Variants in PTBP2 observed in about 807,000 individuals in gnomAD.
PTBP2 encodes the protein polypyrimidine tract-binding protein 2.
In PTBP2, 13 loss-of-function variants were observed where a neutral mutation model predicts 61.4. That is an observed-to-expected ratio of 0.21 (90% CI 0.14 to 0.34). PTBP2 has a LOEUF of 0.34. Ranked by LOEUF, PTBP2 falls within the 10% of genes least tolerant of loss-of-function variation. The probability of loss-of-function intolerance (pLI) is 1.00; values close to 1 mark genes in which losing one functional copy is unlikely to be tolerated. For synonymous variants in PTBP2, 215 were observed against 218.5 expected (o/e 0.98, Z 0.14); for missense variants, 405 against 642.6 (o/e 0.63, Z 4.00).
chr1:96,761,346 A>ATTGTG (rs375632927), intron 3 of PTBP2, among the ~76,000 whole-genome samples: 24 of 140,574 alleles, frequency 1.7e-4, no homozygotes, highest in South Asian at 4.9e-4. Flanking sequence ...GTGGGATTTG[A>ATTGTG]TGTGTGTGTG....
chr1:96,812,240 T>C (rs1662154761), intron 11 of PTBP2, among the ~76,000 whole-genome samples: 1 of 152,152 alleles, frequency 6.6e-6, no homozygotes, highest in African/African-American at 2.4e-5. Flanking sequence ...AGAAAATGGA[T>C]TGGAAAAATT....
intron 8 of PTBP2, among the ~76,000 whole-genome samples, chr1:96,799,229 C>A (rs1411767575): frequency 6.6e-6 from 1 of 150,610 alleles, no homozygotes; most frequent in African/African-American, 2.5e-5. Flanking sequence ...TTCTTTAGCA[C>A]ATGATCGTTT....
chr1:96,769,762 C>T lies in PTBP2; in HGVS notation c.175C>T (p.Arg59Cys). ...GEDKMDGAPS[R>C]VLHIRKLPGE... ...AGATAAAATGGATGGTGCTCCTTCT[C>T]GTGTACTTCATATTCGAAAATTACC... is the stretch of plus-strand genomic sequence containing the variant. Residue 59 changes from arginine to cysteine, a missense_variant, in exon 4 of 14, where the codon CGT becomes TGT. By Grantham distance (180) the Arg-to-Cys change is radical. This residue lies in a region of PTBP2 where 342 missense variants were observed against 491.2 expected (regional missense o/e 0.70). Transcript: ENST00000674951. The T allele has an allele frequency of 7.5e-6, 12 of 1,610,416 alleles. No homozygotes were observed. The highest frequency in any genetic ancestry group is 1.3e-5 in the African/African-American group (1 of 74,832).
chr1:96,788,340 A>G (rs1052089775), intron 8 of PTBP2, among the ~76,000 whole-genome samples: 4 of 152,056 alleles, frequency 2.6e-5, no homozygotes, highest in African/African-American at 9.7e-5. Flanking sequence ...TAAATAATTG[A>G]TCTCAATCCC....
At chr1:96,752,631 A>G (rs1211241472) in intron 3 of PTBP2, among the ~76,000 whole-genome samples, 2 of 152,174 alleles carry the variant, frequency 1.3e-5, no homozygotes, top group Non-Finnish European at 2.9e-5. Context: ...ACAAATAGGC[A>G]GAAGTGTGTA....
At chr1:96,786,194 G>A (rs1487805949) in intron 8 of PTBP2, among the ~76,000 whole-genome samples, 1 of 152,118 alleles carries the variant, frequency 6.6e-6, no homozygotes, top group African/African-American at 2.4e-5. Flanking sequence ...ATATATAACA[G>A]TCATGCCATC....
intron 3 of PTBP2, among the ~76,000 whole-genome samples, chr1:96,755,714 T>C (rs1052119911): frequency 6.6e-6 from 1 of 152,164 alleles, no homozygotes; most frequent in African/African-American, 2.4e-5. Context: ...AATTATGTTA[T>C]GTAAAAGATG....
rs372175475 is a variant in PTBP2 at position 96,821,210 on chromosome 1, T to C, written c.*7805T>C. 9.9e-5 allele frequency: 15 copies of C among 152,278 alleles called. No individual in the cohort carries two copies. The South Asian group carries it at 1.0e-3, about 11-fold the overall frequency. The allele number at this position is 152,278 out of a possible 1,614,324, so 9.4% of individuals were successfully genotyped here. On this transcript the variant is annotated 3_prime_UTR_variant, in exon 14 of 14. Transcript: ENST00000609116. ...GTACAAAAATCAACTTTTGGCCCAATTTTAAGGTGAGATAATTATGAGACA... is the reference window on the plus strand; with the variant it reads ...GTACAAAAATCAACTTTTGGCCCAACTTTAAGGTGAGATAATTATGAGACA...
chr1:96,795,637 A>G (rs1260491809), intron 8 of PTBP2, among the ~76,000 whole-genome samples: 1 of 152,254 alleles, frequency 6.6e-6, no homozygotes, highest in African/African-American at 2.4e-5. Context: ...GTGATCATTC[A>G]GTACAGTAGT....
chr1:96,781,432 T>C (rs1040493381), intron 7 of PTBP2, among the ~76,000 whole-genome samples: 5 of 151,880 alleles, frequency 3.3e-5, no homozygotes, highest in African/African-American at 7.3e-5. Context: ...GCCTCTCCAT[T>C]CTCCTCTCAT....
intron 3 of PTBP2, among the ~76,000 whole-genome samples, chr1:96,752,662 C>CT (rs978128272): frequency 6.6e-6 from 1 of 151,922 alleles, no homozygotes; most frequent in Non-Finnish European, 1.5e-5. Flanking sequence ...GTCGGTTTCT[C>CT]TTTTTGTTTT....
intron 8 of PTBP2, among the ~76,000 whole-genome samples, chr1:96,791,842 T>TTTG (rs1659866768): frequency 7.1e-6 from 1 of 140,206 alleles, no homozygotes; most frequent in Non-Finnish European, 1.5e-5. Context: ...TTTTTTTTTT[T>TTTG]TTTTTTTGAG....
intron 8 of PTBP2, among the ~76,000 whole-genome samples, chr1:96,786,066 T>C (rs1307093870): frequency 6.6e-6 from 1 of 152,220 alleles, no homozygotes; most frequent in African/African-American, 2.4e-5. Context: ...ATGATTTTTA[T>C]ATATATGGAA....
At chr1:96,779,229 A>G (rs1037358034) in intron 7 of PTBP2, among the ~76,000 whole-genome samples, 2 of 152,014 alleles carry the variant, frequency 1.3e-5, no homozygotes, top group African/African-American at 4.8e-5. Flanking sequence ...TGCCCTGGCT[A>G]CCAAAATCAA....
intron 2 of PTBP2, among the ~76,000 whole-genome samples, chr1:96,736,061 G>A (rs897755325): frequency 2.6e-5 from 4 of 152,198 alleles, no homozygotes; most frequent in Non-Finnish European, 4.4e-5. Flanking sequence ...TATTTTCAAT[G>A]TGTTGAGTGA....
intron 11 of PTBP2, among the ~76,000 whole-genome samples, chr1:96,807,935 T>C (rs1465118642): frequency 1.3e-5 from 2 of 152,216 alleles, no homozygotes; most frequent in African/African-American, 2.4e-5. Context: ...CCTCTTTCTC[T>C]GTGTGCACTT....
At chr1:96,723,093 A>G (rs1265125990) in intron 1 of PTBP2, among the ~76,000 whole-genome samples, 2 of 152,158 alleles carry the variant, frequency 1.3e-5, no homozygotes, top group African/African-American at 2.4e-5. Flanking sequence ...CAGAATTCAA[A>G]TCATCCTAGA....
At position 96,780,824 on chromosome 1, in the gene PTBP2, A is replaced by G. The variant is rs992026957; in HGVS notation, c.708+2878A>G. ...TATCTTCAAACAGTGTGTTCAATCT[A>G]GCTCCTGTTTTTGGTGTCCGCTGTG... On this transcript the variant is annotated intron_variant, in intron 7 of 13. Coordinates refer to ENST00000674951, the MANE Select transcript of PTBP2 (RefSeq NM_021190.4). Among the ~76,000 whole-genome samples the G allele has an allele frequency of 2.6e-5, 4 of 152,046 alleles. No homozygotes were observed. In the East Asian group the frequency reaches 7.7e-4, roughly 29 times the overall value.
intron 7 of PTBP2, among the ~76,000 whole-genome samples, chr1:96,784,223 A>G (rs1658983068): frequency 6.6e-6 from 1 of 152,098 alleles, no homozygotes; most frequent in East Asian, 1.9e-4. Flanking sequence ...GTACAAGATA[A>G]TCATAGCGGT....
Sources: gnomAD v4.1 joint callset for allele counts (sites outside exome capture counted in the v4.1 genomes callset) on GRCh38, gnomAD v4.1.1 for gene constraint, gnomAD v4.1.1 regional missense constraint, MANE v1.5 for transcripts, NCBI Gene and HGNC (gene_info 2026-07-23, HGNC 2026-07-21) for gene names.